Variants in KCNQ5 observed in about 807,000 individuals in gnomAD.
KCNQ5 encodes potassium voltage-gated channel subfamily Q member 5.
Under a neutral mutation model 98.2 loss-of-function variants are expected in KCNQ5, and 30 were observed. That is an observed-to-expected ratio of 0.31 (90% CI 0.23 to 0.41). The LOEUF (loss-of-function observed/expected upper bound fraction) is 0.41. Among genes scored for constraint, KCNQ5 ranks in the 10% least tolerant of loss-of-function variants. KCNQ5 has a pLI of 1.00. For missense variants in KCNQ5, 835 were observed against 1,182.5 expected (o/e 0.71, Z 4.31); for synonymous variants, 458 against 449.4 (o/e 1.02, Z -0.24).
chr6:73,057,336 G>T (rs1195439747), intron 3 of KCNQ5, among the ~76,000 whole-genome samples: 2 of 115,204 alleles, frequency 1.7e-5, no homozygotes, highest in Non-Finnish European at 3.8e-5. Context: ...CATGGGGTGG[G>T]GGGAAGGGGG....
chr6:72,692,561 T>C (rs888968125), intron 1 of KCNQ5, among the ~76,000 whole-genome samples: 11 of 152,342 alleles, frequency 7.2e-5, no homozygotes, highest in Middle Eastern at 3.4e-3. Context: ...AATACATTTC[T>C]TGTAAGTGTG....
At position 72,722,850 on chromosome 6, in the gene KCNQ5, T is replaced by A. The variant is rs550143476; in HGVS notation, c.398+100263T>A. ...AAAGGAGTATTAGGGTTTGGTTGAC[T>A]TTTTTTTTTTTTTTTTTTGAGACAC... On this transcript the variant is annotated intron_variant, in intron 1 of 13. Coordinates refer to ENST00000370398, the MANE Select transcript of KCNQ5 (RefSeq NM_019842.4). Among the ~76,000 whole-genome samples, 351 of 72,584 alleles carry A rather than the reference T, an allele frequency of 4.8e-3. 2 individuals are homozygous for A. Among genetic ancestry groups the A allele is most frequent in the African/African-American group, 0.03 (294 of 9,820 alleles). The allele number at this position is 72,584 out of a possible 152,430, so 47.6% of individuals were successfully genotyped here.
At chr6:72,652,945 T>C (rs1454314332) in intron 1 of KCNQ5, among the ~76,000 whole-genome samples, 1 of 152,098 alleles carries the variant, frequency 6.6e-6, no homozygotes, top group Non-Finnish European at 1.5e-5. Flanking sequence ...TATAAAGCCG[T>C]GCACCCAAAT....
intron 1 of KCNQ5, among the ~76,000 whole-genome samples, chr6:72,935,072 T>C (rs1765850689): frequency 1.4e-5 from 2 of 144,222 alleles, no homozygotes; most frequent in South Asian, 4.7e-4. Flanking sequence ...ATCTTTTTTT[T>C]TTTTTTTTTT....
At chr6:73,039,727 C>A (rs1771604402) in intron 2 of KCNQ5, among the ~76,000 whole-genome samples, 1 of 151,886 alleles carries the variant, frequency 6.6e-6, no homozygotes, top group Admixed American at 6.6e-5. Flanking sequence ...TGTTTATGAC[C>A]CGGAATATAA....
chr6:73,010,224 G>C (rs1486927778), intron 2 of KCNQ5, among the ~76,000 whole-genome samples: 2 of 151,988 alleles, frequency 1.3e-5, no homozygotes, highest in Admixed American at 6.6e-5. Context: ...AGTGTTATAG[G>C]CCACATTAAC....
intron 5 of KCNQ5, among the ~76,000 whole-genome samples, chr6:73,100,369 T>C (rs1362374065): frequency 2.6e-5 from 4 of 151,288 alleles, no homozygotes; most frequent in African/African-American, 7.3e-5. Flanking sequence ...ACAAAGAAAA[T>C]ACAAAAGATT....
At position 73,044,854 on chromosome 6, in the gene KCNQ5, A is replaced by T. The variant is rs142315679; in HGVS notation, c.616+2792A>T. 3.2e-3 allele frequency among the ~76,000 whole-genome samples: 495 copies of T among 152,334 alleles called. 2 individuals carry two copies. The highest frequency in any genetic ancestry group is 0.011 in the African/African-American group (467 of 41,576). ...TCCCAAAACTTCATGTATTTGTAAG[A>T]TTTGATTACTCTGAACATTCCAAGT... On this transcript the variant is annotated intron_variant, in intron 3 of 13. Transcript: ENST00000370398.
intron 1 of KCNQ5, among the ~76,000 whole-genome samples, chr6:72,734,412 C>T (rs1169288994): frequency 6.6e-6 from 1 of 151,982 alleles, no homozygotes; most frequent in Non-Finnish European, 1.5e-5. Context: ...AGCTCCACCT[C>T]CCGGGTTCAC....
intron 1 of KCNQ5, among the ~76,000 whole-genome samples, chr6:72,643,274 A>G (rs1765420445): frequency 6.6e-6 from 1 of 152,168 alleles, no homozygotes; most frequent in Non-Finnish European, 1.5e-5. Flanking sequence ...TATTTTAAAA[A>G]AGGCCTCCTT....
At chr6:72,816,042 C>T (rs1775495424) in intron 1 of KCNQ5, among the ~76,000 whole-genome samples, 1 of 152,088 alleles carries the variant, frequency 6.6e-6, no homozygotes, top group South Asian at 2.1e-4. Context: ...CCTTAAGGAA[C>T]ACCCCCACTT....
At chr6:73,047,419 C>A (rs549639971) in intron 3 of KCNQ5, among the ~76,000 whole-genome samples, 1 of 152,178 alleles carries the variant, frequency 6.6e-6, no homozygotes. Context: ...AATTGGAGAC[C>A]TCTGGAGAGC....
intron 1 of KCNQ5, among the ~76,000 whole-genome samples, chr6:72,686,885 G>A (rs1185869044): frequency 6.6e-6 from 1 of 151,764 alleles, no homozygotes; most frequent in Non-Finnish European, 1.5e-5. Flanking sequence ...AAAAAAATAG[G>A]TTAATCTATC....
intron 1 of KCNQ5, among the ~76,000 whole-genome samples, chr6:72,769,187 A>C (rs899221317): frequency 1.3e-5 from 2 of 152,148 alleles, no homozygotes; most frequent in Non-Finnish European, 2.9e-5. Context: ...CCATACCAAT[A>C]CATGAATAGA....
At chr6:72,831,056 G>A (rs530837054) in intron 1 of KCNQ5, among the ~76,000 whole-genome samples, 20 of 152,128 alleles carry the variant, frequency 1.3e-4, no homozygotes, top group Non-Finnish European at 2.2e-4. Flanking sequence ...TTAGAATGGC[G>A]ATCATTAAAA....
chr6:72,785,973 T>C (rs1246585373), intron 1 of KCNQ5, among the ~76,000 whole-genome samples: 1 of 152,158 alleles, frequency 6.6e-6, no homozygotes, highest in Non-Finnish European at 1.5e-5. Context: ...AGACATATAA[T>C]AGGAGCCCCA....
intron 1 of KCNQ5, among the ~76,000 whole-genome samples, chr6:72,708,731 C>T (rs544611088): frequency 1.5e-4 from 23 of 152,138 alleles, no homozygotes; most frequent in African/African-American, 4.8e-4. Flanking sequence ...CATGTTGCCC[C>T]GCCTGGTCTC....
intron 10 of KCNQ5, among the ~76,000 whole-genome samples, chr6:73,151,040 T>C (rs1278869893): frequency 6.6e-6 from 1 of 152,170 alleles, no homozygotes; most frequent in Non-Finnish European, 1.5e-5. Context: ...GATATTGCAC[T>C]ATACTTTTGC....
At chr6:73,052,656 G>A (rs1447287160) in intron 3 of KCNQ5, among the ~76,000 whole-genome samples, 1 of 152,138 alleles carries the variant, frequency 6.6e-6, no homozygotes, top group Non-Finnish European at 1.5e-5. Flanking sequence ...ATAAATGAAG[G>A]AGAAATAAGA....
Sources: gnomAD v4.1 joint callset for allele counts (sites outside exome capture counted in the v4.1 genomes callset) on GRCh38, gnomAD v4.1.1 for gene constraint, MANE v1.5 for transcripts, NCBI Gene and HGNC (gene_info 2026-07-23, HGNC 2026-07-21) for gene names.